KCTD16: variants seen among roughly 807,000 people sequenced by gnomAD.
The protein encoded by KCTD16 is potassium channel tetramerization domain containing 16.
KCTD16 carries 13 observed loss-of-function variants against 33.2 expected under a neutral mutation model. The ratio of observed to expected loss-of-function variants is 0.39; its 90% CI spans 0.25 to 0.62. The LOEUF (loss-of-function observed/expected upper bound fraction) is 0.62. Among genes scored for constraint, KCTD16 ranks in the 20% least tolerant of loss-of-function variants. The pLI is 0.50. For synonymous variants in KCTD16, 197 were observed against 195.3 expected, an observed-to-expected ratio of 1.01 and a Z score of -0.07; for missense variants, 441 against 525.1, an observed-to-expected ratio of 0.84 and a Z score of 1.57.
At position 144,477,840 on chromosome 5, in the gene KCTD16, A is replaced by G. The variant is rs1208371012; in HGVS notation, c.*3726A>G. ...ATTTTCTGCCACTATATACCATGCC[A>G]TGGAATTTGACTAGCCTTGGTCTTC... On this transcript the variant is annotated 3_prime_UTR_variant, in exon 4 of 4. Coordinates refer to ENST00000512467, the MANE Select transcript of KCTD16 (RefSeq NM_020768.4). 2.0e-5 allele frequency: 3 copies of G among 151,886 alleles called. No individual in the cohort carries two copies. Among genetic ancestry groups the G allele is most frequent in the African/African-American group, 7.2e-5 (3 of 41,380 alleles). The allele number at this position is 151,886 out of a possible 1,614,324, so 9.4% of individuals were successfully genotyped here.
At chr5:144,179,098 C>T (rs1199599880) in intron 2 of KCTD16, among the ~76,000 whole-genome samples, 1 of 152,184 alleles carries the variant, frequency 6.6e-6, no homozygotes, top group Non-Finnish European at 1.5e-5. Context: ...AAATGAGGAT[C>T]TGAGGCCAGG....
At chr5:144,343,140 T>C (rs1752690770) in intron 3 of KCTD16, among the ~76,000 whole-genome samples, 1 of 152,208 alleles carries the variant, frequency 6.6e-6, no homozygotes, top group African/African-American at 2.4e-5. Flanking sequence ...TTGGAATAGT[T>C]TCAGAAGGAA....
At chr5:144,191,239 G>T (rs1752835116) in intron 2 of KCTD16, among the ~76,000 whole-genome samples, 1 of 152,184 alleles carries the variant, frequency 6.6e-6, no homozygotes, top group Non-Finnish European at 1.5e-5. Context: ...GCTGGGGAGA[G>T]GGTAGATGAG....
Position 144,485,266 on chromosome 5 carries a change from G to T in KCTD16, c.*11152G>T, listed in dbSNP as rs1754781673. The T allele has an allele frequency of 6.6e-6, 1 of 151,834 alleles. No homozygotes were observed. The highest frequency in any genetic ancestry group is 2.1e-4 in the South Asian group (1 of 4,836). The allele number at this position is 151,834 out of a possible 1,614,324, so 9.4% of individuals were successfully genotyped here. A position where few individuals can be genotyped will look rare whatever the true frequency, so the allele number is the denominator to read the frequency against. ...TCATTGGTTCACTCAGAAGGCAACC[G>T]CCTATAGATGGAACAGCCCTGAGCA... On this transcript the variant is annotated 3_prime_UTR_variant, in exon 4 of 4. Coordinates refer to ENST00000512467, the MANE Select transcript of KCTD16 (RefSeq NM_020768.4).
At chr5:144,301,297 A>G (rs188968096) in intron 3 of KCTD16, among the ~76,000 whole-genome samples, 1 of 151,902 alleles carries the variant, frequency 6.6e-6, no homozygotes, top group African/African-American at 2.4e-5. Flanking sequence ...GCTATAGGAA[A>G]TGGAATGTTT....
intron 2 of KCTD16, among the ~76,000 whole-genome samples, chr5:144,188,746 A>G (rs1490815440): frequency 6.6e-6 from 1 of 152,236 alleles, no homozygotes; most frequent in Non-Finnish European, 1.5e-5. Flanking sequence ...TTTGGAGTGG[A>G]AAAGAGTCAG....
chr5:144,411,826 C>G (rs1352496930), intron 3 of KCTD16, among the ~76,000 whole-genome samples: 1 of 151,952 alleles, frequency 6.6e-6, no homozygotes, highest in Non-Finnish European at 1.5e-5. Flanking sequence ...GGAGCTCAAG[C>G]AACTCAATAG....
Position 144,430,022 on chromosome 5 carries a change from G to A in KCTD16, c.833-43638G>A, listed in dbSNP as rs80103639. On this transcript the variant is annotated intron_variant, in intron 3 of 3. Coordinates refer to ENST00000512467, the MANE Select transcript of KCTD16 (RefSeq NM_020768.4). ...TAACAAATGTATGAGGCTACAAGTT[G>A]ACTGGAATTATAGTCATGGGAAAAG... 9.9e-5 allele frequency among the ~76,000 whole-genome samples: 15 copies of A among 152,242 alleles called. No homozygotes were observed. The East Asian group carries it at 2.3e-3, about 24-fold the overall frequency.
At chr5:144,299,908 AAAAAAAAC>A (rs1425777101) in intron 3 of KCTD16, among the ~76,000 whole-genome samples, 4 of 148,626 alleles carry the variant, frequency 2.7e-5, no homozygotes, top group Non-Finnish European at 5.9e-5. Context: ...TAAAAAAAAA[AAAAAAAAC>A]AAAAAACAAA....
chr5:144,219,296 C>A (rs561573843), intron 3 of KCTD16, among the ~76,000 whole-genome samples: 25 of 152,222 alleles, frequency 1.6e-4, no homozygotes, highest in Middle Eastern at 3.4e-3. Context: ...TCATAGCAAC[C>A]TCCATTTCCT....
chr5:144,378,244 T>C (rs1332956643), intron 3 of KCTD16, among the ~76,000 whole-genome samples: 1 of 152,120 alleles, frequency 6.6e-6, no homozygotes, highest in Non-Finnish European at 1.5e-5. Flanking sequence ...AAATCTGTAG[T>C]GAAAAGTAAT....
intron 3 of KCTD16, among the ~76,000 whole-genome samples, chr5:144,431,553 G>A (rs1330960221): frequency 6.6e-6 from 1 of 152,038 alleles, no homozygotes; most frequent in Non-Finnish European, 1.5e-5. Flanking sequence ...CACACAAATT[G>A]CCTGGAATGT....
chr5:144,471,428 C>A (rs1754470750), intron 3 of KCTD16, among the ~76,000 whole-genome samples: 1 of 152,072 alleles, frequency 6.6e-6, no homozygotes, highest in African/African-American at 2.4e-5. Context: ...TTTTGTATTT[C>A]CCCTCTTCCT....
intron 3 of KCTD16, among the ~76,000 whole-genome samples, chr5:144,225,445 G>A (rs531498295): frequency 1.4e-4 from 22 of 151,964 alleles, no homozygotes; most frequent in Middle Eastern, 3.4e-3. Flanking sequence ...ATATGAAAAG[G>A]CACAGAATTT....
intron 3 of KCTD16, among the ~76,000 whole-genome samples, chr5:144,336,352 C>T (rs1752494057): frequency 6.6e-6 from 1 of 152,166 alleles, no homozygotes; most frequent in Admixed American, 6.6e-5. Flanking sequence ...TGCACAAAGT[C>T]TGCTAATCCA....
chr5:144,204,595 G>A (rs1753117897), intron 2 of KCTD16, among the ~76,000 whole-genome samples: 1 of 152,142 alleles, frequency 6.6e-6, no homozygotes, highest in East Asian at 1.9e-4. Context: ...CCAAAGAGAC[G>A]CGCAGTAAGG....
intron 3 of KCTD16, among the ~76,000 whole-genome samples, chr5:144,244,611 A>G (rs1362948002): frequency 6.6e-6 from 1 of 152,192 alleles, no homozygotes; most frequent in Non-Finnish European, 1.5e-5. Context: ...TCTCCATATT[A>G]ACAAAATAAC....
At chr5:144,458,345 A>G (rs1754119640) in intron 3 of KCTD16, among the ~76,000 whole-genome samples, 1 of 152,158 alleles carries the variant, frequency 6.6e-6, no homozygotes, top group Admixed American at 6.5e-5. Context: ...ACTCAATTCT[A>G]CCAGGCAAAA....
intron 2 of KCTD16, among the ~76,000 whole-genome samples, chr5:144,194,687 T>C (rs1466827100): frequency 6.6e-6 from 1 of 152,196 alleles, no homozygotes; most frequent in Non-Finnish European, 1.5e-5. Context: ...GGAAGTACAA[T>C]TATTACCCCT....
Sources: allele counts gnomAD v4.1 joint callset (sites outside exome capture counted in the v4.1 genomes callset), GRCh38; gene constraint gnomAD v4.1.1; transcripts MANE v1.5; gene names NCBI Gene and HGNC (gene_info 2026-07-23, HGNC 2026-07-21).